Variants in SYT13 observed in about 807,000 individuals in gnomAD.
The protein encoded by SYT13 is synaptotagmin 13.
In SYT13, 21 loss-of-function variants were observed where a neutral mutation model predicts 38.6. That is an observed-to-expected ratio of 0.54 (90% CI 0.39 to 0.78). The LOEUF is 0.78. Ranked by LOEUF, SYT13 falls within the 30% of genes least tolerant of loss-of-function variation. SYT13 has a pLI of 0.00. For synonymous variants in SYT13, 241 were observed against 237.6 expected (o/e 1.01, Z -0.13); for missense variants, 495 against 548.7 (o/e 0.90, Z 0.98).
intron 1 of SYT13, among the ~76,000 whole-genome samples, chr11:45,276,717 A>AT (rs1055011756): frequency 6.0e-4 from 69 of 114,548 alleles, no homozygotes; most frequent in East Asian, 2.5e-3. Flanking sequence ...CTTTTTAAAA[A>AT]AAAAAAATAA....
intron 1 of SYT13, among the ~76,000 whole-genome samples, chr11:45,259,994 T>C (rs996848093): frequency 6.6e-6 from 1 of 152,232 alleles, no homozygotes; most frequent in Non-Finnish European, 1.5e-5. Flanking sequence ...TTTAAGCCAG[T>C]TTGAATTGGG....
Position 45,266,852 on chromosome 11 carries a change from C to T in SYT13, c.184-10961G>A, listed in dbSNP as rs77988046. Among the ~76,000 whole-genome samples, 1,028 of 152,326 alleles carry T rather than the reference C, an allele frequency of 6.7e-3. 15 individuals carry two copies. The highest frequency in any genetic ancestry group is 0.024 in the African/African-American group (987 of 41,578). On this transcript the variant is annotated intron_variant, in intron 1 of 5. Coordinates refer to ENST00000020926, the MANE Select transcript of SYT13 (RefSeq NM_020826.3). ...TGTCCTAGCAGATACTGACAACTAA[C>T]TGAACCTTCATGGCTAGCCAGTCAC...
chr11:45,265,121 C>T (rs1157950501), intron 1 of SYT13, among the ~76,000 whole-genome samples: 30 of 152,194 alleles, frequency 2.0e-4, no homozygotes, highest in Non-Finnish European at 2.9e-5. Flanking sequence ...TGGAGAAGTC[C>T]ATTGGGGCAT....
At position 45,241,050 on chromosome 11, in the gene SYT13, A is replaced by T. The variant is rs1166120492; in HGVS notation, c.*3002T>A. The T allele has an allele frequency of 1.3e-5, 2 of 152,264 alleles. No individual in the cohort carries two copies. The highest frequency in any genetic ancestry group is 2.9e-5 in the Non-Finnish European group (2 of 68,042). 9.4% of individuals were successfully genotyped at this position (152,264 alleles called of 1,614,324 possible). On this transcript the variant is annotated 3_prime_UTR_variant, in exon 6 of 6. Transcript: ENST00000020926. ...TCACTAAGATGGAGTTTTAGTGGAA[A>T]AGCAGAGCAATTATATTCTCTTCAT...
At chr11:45,246,575 C>A in intron 4 of SYT13, 63 bp from the exon 5 acceptor site, 1 of 1,578,278 alleles carries the variant, frequency 6.3e-7, no homozygotes, top group South Asian at 1.2e-5. Flanking sequence ...AACCCATCAA[C>A]AAATGCTGAA....
chr11:45,254,389 A>G lies in SYT13; in HGVS notation c.425T>C (p.Val142Ala), dbSNP rs372738990. 2 of 1,613,108 alleles carry G rather than the reference A, an allele frequency of 1.2e-6. No homozygotes were observed. Among genetic ancestry groups the G allele is most frequent in the Non-Finnish European group, 1.7e-6 (2 of 1,179,674 alleles). Residue 142 changes from valine (V) to alanine (A), a missense_variant, in exon 3 of 6, where the codon GTC becomes GCC. Coordinates refer to ENST00000020926, the MANE Select transcript of SYT13 (RefSeq NM_020826.3). Reference protein sequence around the residue: ...ILPQNGVVEDVCVMETWNPEK... With the variant: ...ILPQNGVVEDACVMETWNPEK... ...TGGGTTCCAGGTCTCCATGACACAGACATCCTCCACCACACCTGTTAAGAA... is the reference window on the plus strand; with the variant it reads ...TGGGTTCCAGGTCTCCATGACACAGGCATCCTCCACCACACCTGTTAAGAA...
Position 45,242,726 on chromosome 11 carries a change from C to T in SYT13, c.*1326G>A, listed in dbSNP as rs2863174. 127,657 of 151,946 alleles carry T rather than the reference C, an allele frequency of 0.84. 54,673 individuals carry two copies. The highest frequency in any genetic ancestry group is 0.91 in the Middle Eastern group (268 of 294). The allele number at this position is 151,946 out of a possible 1,614,324, so 9.4% of individuals were successfully genotyped here. ...CTTCCTAGTCATTAGTCCTATCTTA[C>T]ACAGCTGGCCAAACAGGTGCTGAAG... On this transcript the variant is annotated 3_prime_UTR_variant, in exon 6 of 6. Coordinates refer to ENST00000020926, the MANE Select transcript of SYT13 (RefSeq NM_020826.3).
chr11:45,248,450 G>T (rs1854638269), intron 4 of SYT13, among the ~76,000 whole-genome samples: 1 of 152,210 alleles, frequency 6.6e-6, no homozygotes, highest in Non-Finnish European at 1.5e-5. Flanking sequence ...CTCAGATTCA[G>T]AAAGGGAACA....
chr11:45,262,721 T>TCACA (rs71451610), intron 1 of SYT13, among the ~76,000 whole-genome samples: 8,656 of 78,016 alleles, frequency 0.11, 532 homozygotes, highest in East Asian at 0.31. Context: ...GGAGATCCTA[T>TCACA]CACACACACA....
At chr11:45,255,388 AC>A (rs1185124610) in intron 2 of SYT13, among the ~76,000 whole-genome samples, 9 of 152,150 alleles carry the variant, frequency 5.9e-5, no homozygotes, top group African/African-American at 2.2e-4. Context: ...CATGGTTTTA[AC>A]CATGGCTCTT....
rs1166545598 is a variant in SYT13 at position 45,286,286 on chromosome 11, G to A, written c.-79C>T. On this transcript the variant is annotated 5_prime_UTR_variant, in exon 1 of 6. Transcript: ENST00000020926. ...CCGGGCCCGCCTCCAGGCAGCTCCCGGGATCCGGGCGAGCCAGCAGCTCTC... is the reference window on the plus strand; with the variant it reads ...CCGGGCCCGCCTCCAGGCAGCTCCCAGGATCCGGGCGAGCCAGCAGCTCTC... 1 of 1,428,406 alleles carries A rather than the reference G, an allele frequency of 7.0e-7. No individual in the cohort carries two copies. The allele number at this position is 1,428,406 out of a possible 1,614,324, so 88.5% of individuals were successfully genotyped here. A position where few individuals can be genotyped will look rare whatever the true frequency, so the allele number is the denominator to read the frequency against.
Position 45,246,570 on chromosome 11 carries a change from A to G in SYT13, c.847-58T>C, listed in dbSNP as rs891336109. Reference sequence around the variant, plus strand: ...CTCACCTGGGGACGCCTTCCAACCCATCAACAAATGCTGAAGCTGGAACCA... The same window carrying G: ...CTCACCTGGGGACGCCTTCCAACCCGTCAACAAATGCTGAAGCTGGAACCA... On this transcript the variant is annotated intron_variant, in intron 4 of 5. Coordinates refer to ENST00000020926, the MANE Select transcript of SYT13 (RefSeq NM_020826.3). 3.8e-6 allele frequency: 6 copies of G among 1,585,366 alleles called. No individual in the cohort carries two copies. The Admixed American group carries it at 8.9e-5, about 24-fold the overall frequency.
At chr11:45,254,984 C>T (rs1304099382) in intron 2 of SYT13, among the ~76,000 whole-genome samples, 1 of 151,942 alleles carries the variant, frequency 6.6e-6, no homozygotes, top group Non-Finnish European at 1.5e-5. Flanking sequence ...GGCATGGTGG[C>T]ATGCACCTGT....
chr11:45,247,837 G>A (rs186780311), intron 4 of SYT13, among the ~76,000 whole-genome samples: 8 of 152,312 alleles, frequency 5.3e-5, no homozygotes, highest in South Asian at 2.1e-4. Context: ...AGACAGAAAG[G>A]AAGTGATTAA....
At chr11:45,268,774 A>C (rs1357078477) in intron 1 of SYT13, among the ~76,000 whole-genome samples, 1 of 152,162 alleles carries the variant, frequency 6.6e-6, no homozygotes, top group Non-Finnish European at 1.5e-5. Context: ...TTGAGTAGAT[A>C]TAAGGAGAAG....
At chr11:45,258,686 C>G (rs1854777040) in intron 1 of SYT13, among the ~76,000 whole-genome samples, 1 of 152,098 alleles carries the variant, frequency 6.6e-6, no homozygotes, top group African/African-American at 2.4e-5. Flanking sequence ...ATCAGGGGTG[C>G]CTGGGAGGCC....
chr11:45,246,598 C>A, intron 4 of SYT13, 86 bp from the exon 5 acceptor site: 1 of 1,526,356 alleles, frequency 6.6e-7, no homozygotes, highest in Non-Finnish European at 8.8e-7. Context: ...TGGAACCATG[C>A]TGGATTTGCA....
intron 1 of SYT13, among the ~76,000 whole-genome samples, chr11:45,275,712 C>T (rs556399532): frequency 6.6e-6 from 1 of 152,214 alleles, no homozygotes; most frequent in African/African-American, 2.4e-5. Flanking sequence ...TGGAGAGGGG[C>T]AAGGCTCCTC....
At chr11:45,283,513 T>C (rs2135913902) in intron 1 of SYT13, among the ~76,000 whole-genome samples, 1 of 152,350 alleles carries the variant, frequency 6.6e-6, no homozygotes, top group African/African-American at 2.4e-5. Context: ...CTTTGAAATG[T>C]CAATTGGTTG....
Sources: gnomAD v4.1 joint callset for allele counts (sites outside exome capture counted in the v4.1 genomes callset) on GRCh38, gnomAD v4.1.1 for gene constraint, MANE v1.5 for transcripts, NCBI Gene and HGNC (gene_info 2026-07-23, HGNC 2026-07-21) for gene names.